Variants in NUP50 observed in about 807,000 individuals in gnomAD.
NUP50 encodes the protein nuclear pore complex protein Nup50.
Under a neutral mutation model 36.8 loss-of-function variants are expected in NUP50, and 14 were observed. The ratio of observed to expected loss-of-function variants is 0.38; its 90% CI spans 0.25 to 0.59. The LOEUF (loss-of-function observed/expected upper bound fraction) is 0.59. Among genes scored for constraint, NUP50 ranks in the 20% least tolerant of loss-of-function variants. NUP50 has a pLI of 0.63. For synonymous variants in NUP50, 195 were observed against 210.8 expected, an observed-to-expected ratio of 0.93 and a Z score of 0.65; for missense variants, 455 against 564.6, an observed-to-expected ratio of 0.81 and a Z score of 1.97.
intron 1 of NUP50, among the ~76,000 whole-genome samples, chr22:45,165,336 A>C (rs2074078628): frequency 6.6e-6 from 1 of 152,232 alleles, no homozygotes; most frequent in Non-Finnish European, 1.5e-5. Flanking sequence ...CCTGGGCTCA[A>C]GTGATTCTCC....
intron 2 of NUP50, among the ~76,000 whole-genome samples, chr22:45,169,861 G>C (rs897151274): frequency 6.6e-6 from 1 of 152,206 alleles, no homozygotes; most frequent in Non-Finnish European, 1.5e-5. Flanking sequence ...ATATTGTCCA[G>C]GCTTGCCAGT....
At chr22:45,182,653 CTCTT>C (rs565810799) in intron 6 of NUP50, among the ~76,000 whole-genome samples, 2,725 of 93,312 alleles carry the variant, frequency 0.029, 104 homozygotes, top group African/African-American at 0.1. Flanking sequence ...GAGACGGAGT[CTCTT>C]TCTGTCACCC....
chr22:45,175,153 G>A (rs532412262), intron 3 of NUP50, among the ~76,000 whole-genome samples: 16 of 152,290 alleles, frequency 1.1e-4, no homozygotes, highest in African/African-American at 1.7e-4. Context: ...ACTATAAACC[G>A]AGGAACCTTT....
intron 6 of NUP50, among the ~76,000 whole-genome samples, chr22:45,182,462 C>T (rs1481585015): frequency 6.6e-6 from 1 of 151,550 alleles, no homozygotes; most frequent in Non-Finnish European, 1.5e-5. Flanking sequence ...TAAATCAATA[C>T]ATGAGCCATG....
chr22:45,170,419 G>A (rs573536798), intron 2 of NUP50, among the ~76,000 whole-genome samples: 31 of 152,286 alleles, frequency 2.0e-4, no homozygotes, highest in Admixed American at 3.3e-4. Context: ...GATGACTAAG[G>A]AAATCTGTAA....
chr22:45,167,222 A>G (rs1345838524), intron 1 of NUP50, among the ~76,000 whole-genome samples: 1 of 152,184 alleles, frequency 6.6e-6, no homozygotes, highest in Non-Finnish European at 1.5e-5. Context: ...GGTCCCCAAA[A>G]CTAATCAGTA....
intron 1 of NUP50, chr22:45,164,763 G>A (rs1419113757): frequency 6.6e-6 from 1 of 152,260 alleles, no homozygotes; most frequent in African/African-American, 2.4e-5. Context: ...CCGGAGGTAG[G>A]GGGCTGGCAG....
At position 45,185,343 on chromosome 22, in the gene NUP50, G is replaced by A. The variant is rs1312339880; in HGVS notation, c.*688G>A. 1 of 152,752 alleles carries A rather than the reference G, an allele frequency of 6.5e-6. No homozygotes were observed. Among genetic ancestry groups the A allele is most frequent in the Non-Finnish European group, 1.5e-5 (1 of 68,244 alleles). 9.5% of individuals were successfully genotyped at this position (152,752 alleles called of 1,614,324 possible). A position where few individuals can be genotyped will look rare whatever the true frequency, so the allele number is the denominator to read the frequency against. On this transcript the variant is annotated 3_prime_UTR_variant, in exon 8 of 8. Transcript: ENST00000347635. ...CTTCATAGTTTCTATTCATGAGGTA[G>A]TGTTACTTCTTTATCCCCCTAAAGA...
chr22:45,187,804 G>A lies in NUP50; in HGVS notation c.*3149G>A, dbSNP rs1453855264. 1 of 152,648 alleles carries A rather than the reference G, an allele frequency of 6.6e-6. No homozygotes were observed. The highest frequency in any genetic ancestry group is 6.5e-5 in the Admixed American group (1 of 15,284). 9.5% of individuals were successfully genotyped at this position (152,648 alleles called of 1,614,324 possible). A position where few individuals can be genotyped will look rare whatever the true frequency, so the allele number is the denominator to read the frequency against. ...GAGGACGAAGGACTCTCCGTTTGAT[G>A]CAGACACAATTGTAATGGAGATGTA... On this transcript the variant is annotated 3_prime_UTR_variant, in exon 8 of 8. Transcript: ENST00000347635.
Position 45,176,046 on chromosome 22 carries a change from T to C in NUP50, c.306T>C (p.Ser102=), listed in dbSNP as rs767726666. 6.8e-6 allele frequency: 11 copies of C among 1,613,972 alleles called. No homozygotes were observed. Among genetic ancestry groups the C allele is most frequent in the Admixed American group, 3.3e-5 (2 of 59,978 alleles). Residue 102 remains serine, a synonymous_variant, in exon 4 of 8, where the codon AGT becomes AGC. Coordinates refer to ENST00000347635, the MANE Select transcript of NUP50 (RefSeq NM_007172.4). ...NNITSAPPFA[S]AKAAADPKVA... is the part of the protein sequence containing the mutation. ...TAACCAGTGCCCCTCCCTTCGCCAG[T>C]GCAAAGGCAGCGGCAGATCCCAAGG...
rs1426330852 is a variant in NUP50 at position 45,178,679 on chromosome 22, C to T, written c.782C>T (p.Pro261Leu). ...MEVASEKKTD[P>L]SSLGATSASF... ...GTGGCATCTGAAAAGAAAACGGACCCATCATCACTAGGAGCGACAAGTGCC... is the reference window on the plus strand; with the variant it reads ...GTGGCATCTGAAAAGAAAACGGACCTATCATCACTAGGAGCGACAAGTGCC... The change falls in exon 5 of 8, where the codon CCA becomes CTA. Residue 261 changes from proline (P) to leucine (L), a missense_variant. Transcript: ENST00000347635. 2 of 1,611,968 alleles carry T rather than the reference C, an allele frequency of 1.2e-6. No individual in the cohort carries two copies. The highest frequency in any genetic ancestry group is 1.7e-6 in the Non-Finnish European group (2 of 1,179,858).
intron 2 of NUP50, among the ~76,000 whole-genome samples, chr22:45,168,898 A>T (rs866111808): frequency 0.21 from 27,109 of 131,914 alleles, 3,360 homozygotes; most frequent in East Asian, 0.56. Context: ...TATAAAAAAA[A>T]TTTTTTTTTT....
At chr22:45,171,524 G>C (rs2074194055) in intron 2 of NUP50, 76 bp from the exon 3 acceptor site, 1 of 1,336,504 alleles carries the variant, frequency 7.5e-7, no homozygotes, top group East Asian at 2.3e-5. Flanking sequence ...CTCAGTTCTA[G>C]CTTGTTGTTG....
At chr22:45,181,656 C>A (rs9615056) in intron 6 of NUP50, among the ~76,000 whole-genome samples, 69,235 of 151,802 alleles carry the variant, frequency 0.46, 16,266 homozygotes, top group Middle Eastern at 0.52. Context: ...CCATCCCATT[C>A]CATCCCGTCT....
Position 45,168,231 on chromosome 22 carries a change from A to T in NUP50, c.54A>T (p.Glu18Asp). ...TGACAGATAGGAATTGGGATCAAGA[A>T]GATGAAGCTGAAGAGGTAAAAAGCA... ...KELTDRNWDQ[E>D]DEAEEVGTFS... The change falls in exon 2 of 8, where the codon GAA (glutamate) becomes GAT (aspartate). Residue 18 changes from glutamate to aspartate, a missense_variant. By Grantham distance (45) the Glu-to-Asp change is conservative. Coordinates refer to ENST00000347635, the MANE Select transcript of NUP50 (RefSeq NM_007172.4). The T allele has an allele frequency of 6.2e-7, 1 of 1,610,998 alleles. No individual in the cohort carries two copies. The highest frequency in any genetic ancestry group is 8.5e-7 in the Non-Finnish European group (1 of 1,179,054).
chr22:45,172,664 ATTG>A (rs981420895), intron 3 of NUP50, among the ~76,000 whole-genome samples: 10 of 152,336 alleles, frequency 6.6e-5, no homozygotes, highest in African/African-American at 2.4e-4. Flanking sequence ...ATGAAAAGAA[ATTG>A]TTATTACAAA....
intron 5 of NUP50, among the ~76,000 whole-genome samples, chr22:45,179,924 C>T (rs1005725542): frequency 6.6e-6 from 1 of 152,182 alleles, no homozygotes; most frequent in African/African-American, 2.4e-5. Flanking sequence ...ACATACTGAT[C>T]CTTGAGGAAG....
chr22:45,169,148 C>T (rs908641184), intron 2 of NUP50, among the ~76,000 whole-genome samples: 8 of 152,110 alleles, frequency 5.3e-5, no homozygotes, highest in Non-Finnish European at 1.0e-4. Flanking sequence ...GTGATCCACC[C>T]GCCTTGGCCT....
At chr22:45,170,936 CAACT>C (rs1265016716) in intron 2 of NUP50, 2 of 1,279,850 alleles carry the variant, frequency 1.6e-6, no homozygotes, top group Non-Finnish European at 2.1e-6. Flanking sequence ...TGATCTGAAA[CAACT>C]ATAGGTGAGA....
Sources: allele counts gnomAD v4.1 joint callset (sites outside exome capture counted in the v4.1 genomes callset), GRCh38; gene constraint gnomAD v4.1.1; transcripts MANE v1.5; gene names NCBI Gene and HGNC (gene_info 2026-07-23, HGNC 2026-07-21).